The following PCDHGA9 variants were observed in gnomAD, a reference collection of about 807,000 sequenced individuals.
PCDHGA9 encodes protocadherin gamma-A9.
PCDHGA9 carries 37 observed loss-of-function variants against 62.5 expected under a neutral mutation model. The ratio of observed to expected loss-of-function variants is 0.59; its 90% CI spans 0.46 to 0.78. PCDHGA9 has a LOEUF of 0.78. PCDHGA9 is among the 30% of genes least tolerant of loss of function. The pLI, the probability that PCDHGA9 is intolerant of heterozygous loss-of-function variation, is 0.00. For synonymous variants in PCDHGA9, 459 were observed against 484.6 expected (o/e 0.95, Z 0.69); for missense variants, 1,138 against 1,166.2 (o/e 0.98, Z 0.35).
rs2099883782 is a variant in PCDHGA9 at position 141,511,420 on chromosome 5, G to C, written c.*247G>C. The C allele has an allele frequency of 1.2e-6, 1 of 830,744 alleles. No homozygotes were observed. The allele number at this position is 830,744 out of a possible 1,614,324, so 51.5% of individuals were successfully genotyped here. On this transcript the variant is annotated 3_prime_UTR_variant, in exon 4 of 4. Transcript: ENST00000573521. ...TCCAATCAACTGCTGTACCCATGGG[G>C]GTAGTGGGGTTACTGTAGACACCAA...
chr5:141,403,040 C>T lies in PCDHGA9; in HGVS notation c.88C>T (p.Gln30Ter). 2 of 1,614,068 alleles carry T rather than the reference C, an allele frequency of 1.2e-6. No homozygotes were observed. The highest frequency in any genetic ancestry group is 1.7e-6 in the Non-Finnish European group (2 of 1,179,910). The change falls in exon 1 of 4, where the codon CAG becomes TAG. Residue 30 changes from glutamine (Q) to a stop codon, truncating the protein, a stop_gained. Coordinates refer to ENST00000573521, the MANE Select transcript of PCDHGA9 (RefSeq NM_018921.3). LOFTEE classifies it high-confidence loss of function. ...GATGCTATGGGAGGCCAGGGCCAGT[C>T]AGATTCGCTACTCAGTGCCTGAAGA... Reference protein sequence around the residue: ...LGMLWEARASQIRYSVPEETE... With the variant: ...LGMLWEARAS
At chr5:141,468,889 G>T (rs2099184580) in intron 1 of PCDHGA9, among the ~76,000 whole-genome samples, 1 of 151,496 alleles carries the variant, frequency 6.6e-6, no homozygotes, top group African/African-American at 2.4e-5. Flanking sequence ...ATAATAATAA[G>T]GTACTAATAT....
chr5:141,505,694 G>A, intron 3 of PCDHGA9, among the ~76,000 whole-genome samples: 1 of 152,208 alleles, frequency 6.6e-6, no homozygotes, highest in East Asian at 1.9e-4. Flanking sequence ...GCCTGGAGGA[G>A]AGCGAACAAG....
At chr5:141,453,909 T>C (rs1484310834) in intron 1 of PCDHGA9, among the ~76,000 whole-genome samples, 1 of 152,236 alleles carries the variant, frequency 6.6e-6, no homozygotes, top group Non-Finnish European at 1.5e-5. Flanking sequence ...TTTCAAAGTA[T>C]GTCAGTGATC....
At position 141,485,968 on chromosome 5, in the gene PCDHGA9, T is replaced by C; in HGVS notation, c.2425-8839T>C. On this transcript the variant is annotated intron_variant, in intron 1 of 3. Coordinates refer to ENST00000573521, the MANE Select transcript of PCDHGA9 (RefSeq NM_018921.3). The surrounding 1 kb of genome is among the most constrained non-coding windows in gnomAD (Gnocchi z 5.7). The stretch of plus-strand genomic sequence containing the variant: ...CGGGCATGGTGCTCATCCAGCTCAA[T>C]GCCTCAGACCCGGACCTGGGTCCCA... 6.2e-7 allele frequency: 1 copy of C among 1,614,216 alleles called. No homozygotes were observed. The highest frequency in any genetic ancestry group is 1.1e-5 in the South Asian group (1 of 91,088).
intron 1 of PCDHGA9, among the ~76,000 whole-genome samples, chr5:141,430,064 A>T (rs1482609618): frequency 6.6e-6 from 1 of 152,190 alleles, no homozygotes; most frequent in Non-Finnish European, 1.5e-5. Flanking sequence ...TATCATTTTT[A>T]GGTTTCCATA....
intron 1 of PCDHGA9, chr5:141,408,522 A>C: frequency 1.2e-6 from 2 of 1,614,026 alleles, no homozygotes; most frequent in Non-Finnish European, 1.7e-6. Flanking sequence ...TTGCAATTGG[A>C]AGCTGTGGTG....
At chr5:141,408,097 C>T (rs2095040197) in intron 1 of PCDHGA9, 5 of 1,434,516 alleles carry the variant, frequency 3.5e-6, no homozygotes, top group Non-Finnish European at 3.7e-6. Context: ...TTGCCAGCTC[C>T]GAGACCCGGG....
intron 1 of PCDHGA9, among the ~76,000 whole-genome samples, chr5:141,445,489 G>A (rs934531418): frequency 7.2e-5 from 11 of 152,188 alleles, no homozygotes; most frequent in Non-Finnish European, 1.3e-4. Context: ...GAGTTAATGG[G>A]CCCTATTCTA....
chr5:141,424,408 T>G (rs942542788), intron 1 of PCDHGA9: 1 of 152,224 alleles, frequency 6.6e-6, no homozygotes, highest in Non-Finnish European at 1.5e-5. Flanking sequence ...TATGGTGAAG[T>G]TACATTGACT....
At chr5:141,458,509 CTTTG>C (rs1327998402) in intron 1 of PCDHGA9, among the ~76,000 whole-genome samples, 2 of 149,986 alleles carry the variant, frequency 1.3e-5, no homozygotes. Context: ...CTGTTTGACA[CTTTG>C]TTTTTTTTTT....
chr5:141,476,714 C>A lies in PCDHGA9; in HGVS notation c.2425-18093C>A, dbSNP rs146188020. 1 of 1,614,154 alleles carries A rather than the reference C, an allele frequency of 6.2e-7. No homozygotes were observed. The highest frequency in any genetic ancestry group is 1.1e-5 in the South Asian group (1 of 91,078). ...CAAGTACGCGGAGCTGGTGTTGGAG[C>A]GCGCCCTGGACCGAGAACGGGAGCC... On this transcript the variant is annotated intron_variant, in intron 1 of 3. Transcript: ENST00000573521. This position sits in a 1 kb window ranked among gnomAD's most constrained non-coding sequence, Gnocchi z 7.6.
At chr5:141,464,056 G>C (rs2154568334) in intron 1 of PCDHGA9, among the ~76,000 whole-genome samples, 1 of 152,210 alleles carries the variant, frequency 6.6e-6, no homozygotes, top group East Asian at 1.9e-4. Context: ...CCTGAGGTCA[G>C]GAGTTCAAGG....
rs1561686781 is a variant in PCDHGA9, at chr5:141,403,212, CG to C, written c.263del (p.Gly88ValfsTer3). The C allele has an allele frequency of 6.2e-7, 1 of 1,613,952 alleles. No homozygotes were observed. The highest frequency in any genetic ancestry group is 1.3e-5 in the African/African-American group (1 of 75,054). ...LNPRSGTLVT[A>X]GRIDREELCA... ...CCGCGCAGCGGCACCTTGGTCACCG[CG>C]GGTAGGATAGACCGGGAGGAGCTCT... On this transcript the variant is annotated frameshift_variant, in exon 1 of 4. Coordinates refer to ENST00000573521, the MANE Select transcript of PCDHGA9 (RefSeq NM_018921.3). LOFTEE classifies it high-confidence loss of function.
rs2095763034 is a variant in PCDHGA9, at chr5:141,414,586, A to G, written c.2424+9210A>G. 1.2e-6 allele frequency: 2 copies of G among 1,613,964 alleles called. No individual in the cohort carries two copies. The highest frequency in any genetic ancestry group is 8.5e-7 in the Non-Finnish European group (1 of 1,179,880). On this transcript the variant is annotated intron_variant, in intron 1 of 3. Transcript: ENST00000573521. ...TACCTATATCCCAGAGAACAACGCC[A>G]GGGGTGCCTCCATCTTCTCAGTGAC...
At chr5:141,436,752 A>G (rs2097844842) in intron 1 of PCDHGA9, among the ~76,000 whole-genome samples, 2 of 152,194 alleles carry the variant, frequency 1.3e-5, no homozygotes, top group South Asian at 4.1e-4. Context: ...GCTTCTCCAT[A>G]TGGTATAATG....
intron 1 of PCDHGA9, chr5:141,414,447 C>A (rs2095748360): frequency 1.2e-6 from 2 of 1,613,848 alleles, no homozygotes; most frequent in East Asian, 2.2e-5. Flanking sequence ...CTTACAATAT[C>A]ACAGTGACAG....
chr5:141,421,203 G>T, intron 1 of PCDHGA9: 1 of 1,522,612 alleles, frequency 6.6e-7, no homozygotes, highest in Non-Finnish European at 8.8e-7. Flanking sequence ...TCGAGAAACC[G>T]CGGAATATCG....
At chr5:141,464,426 G>GAT (rs1287556960) in intron 1 of PCDHGA9, among the ~76,000 whole-genome samples, 1 of 151,096 alleles carries the variant, frequency 6.6e-6, no homozygotes, top group African/African-American at 2.4e-5. Flanking sequence ...TATATATATA[G>GAT]ATATATATGT....
Sources: allele counts gnomAD v4.1 joint callset (sites outside exome capture counted in the v4.1 genomes callset), GRCh38; gene constraint gnomAD v4.1.1; non-coding constraint Gnocchi (gnomAD v3.1); transcripts MANE v1.5; gene names NCBI Gene and HGNC (gene_info 2026-07-23, HGNC 2026-07-21).